Variants in MYO10 observed in about 807,000 individuals in gnomAD.
MYO10 encodes myosin X.
A neutral mutation model predicts 257.3 loss-of-function variants in MYO10; 133 were observed. That is an observed-to-expected ratio of 0.52 (90% CI 0.45 to 0.60). MYO10 has a LOEUF of 0.60. MYO10 is among the 20% of genes least tolerant of loss of function. The probability of loss-of-function intolerance (pLI) is 0.00; values close to 1 mark genes in which losing one functional copy is unlikely to be tolerated. For missense variants in MYO10, 2,399 were observed against 2,635.7 expected (o/e 0.91, Z 1.97); for synonymous variants, 1,104 against 1,028.6 (o/e 1.07, Z -1.40).
intron 19 of MYO10, among the ~76,000 whole-genome samples, chr5:16,711,806 C>A (rs1738634139): frequency 6.6e-6 from 1 of 151,800 alleles, no homozygotes; most frequent in Admixed American, 6.6e-5. Context: ...AAGGAAAATC[C>A]CAAACATCGC....
intron 2 of MYO10, among the ~76,000 whole-genome samples, chr5:16,843,592 T>A (rs1743547357): frequency 6.6e-6 from 1 of 152,176 alleles, no homozygotes; most frequent in African/African-American, 2.4e-5. Flanking sequence ...TATGTCTTAT[T>A]TGTCTCCATA....
chr5:16,714,397 A>G (rs1195701832), intron 19 of MYO10, among the ~76,000 whole-genome samples: 1 of 152,140 alleles, frequency 6.6e-6, no homozygotes. Context: ...AGATGGACGC[A>G]TGGTTCTTGT....
At chr5:16,848,151 A>G (rs1370032980) in intron 2 of MYO10, among the ~76,000 whole-genome samples, 1 of 91,678 alleles carries the variant, frequency 1.1e-5, no homozygotes, top group Non-Finnish European at 2.0e-5. Flanking sequence ...AGAACTACAC[A>G]TTTCTTTTTT....
At chr5:16,780,634 T>G in intron 7 of MYO10, 26 bp from the exon 8 acceptor site, 1 of 1,555,128 alleles carries the variant, frequency 6.4e-7, no homozygotes, top group South Asian at 1.2e-5. Context: ...AGATTTATAT[T>G]CAGAGATGTG....
Position 16,936,126 on chromosome 5 carries a change from T to C in MYO10, c.-318A>G. ...CCCCAGGCGGGGGAAGGCGGCGGGG[T>C]GCTGGCGAGCGCGGCCCCCTCCCTC... On this transcript the variant is annotated 5_prime_UTR_variant, in exon 1 of 41. Transcript: ENST00000513610. 1 of 391,600 alleles carries C rather than the reference T, an allele frequency of 2.6e-6. No homozygotes were observed. The highest frequency in any genetic ancestry group is 4.6e-6 in the Non-Finnish European group (1 of 215,796). The allele number at this position is 391,600 out of a possible 1,614,324, so 24.3% of individuals were successfully genotyped here.
rs917101939 is a variant in MYO10 at position 16,777,743 on chromosome 5, C to T, written c.930+1802G>A. On this transcript the variant is annotated intron_variant, in intron 9 of 40. Coordinates refer to ENST00000513610, the MANE Select transcript of MYO10 (RefSeq NM_012334.3). The stretch of plus-strand genomic sequence containing the variant: ...ATGAGAGTGATTGGAAAGTAAACTC[C>T]ATGTGAAGTTCATAACAGTAAGTGC... Among the ~76,000 whole-genome samples the T allele has an allele frequency of 2.6e-5, 4 of 151,244 alleles. No homozygotes were observed. In the East Asian group the frequency reaches 5.8e-4, roughly 22 times the overall value.
chr5:16,737,293 C>A (rs1739841924), intron 19 of MYO10, among the ~76,000 whole-genome samples: 1 of 152,160 alleles, frequency 6.6e-6, no homozygotes, highest in Admixed American at 6.6e-5. Flanking sequence ...ACAAATGAAG[C>A]ATCTGGCACA....
At chr5:16,684,903 C>G (rs1056926661) in intron 29 of MYO10, among the ~76,000 whole-genome samples, 1 of 152,062 alleles carries the variant, frequency 6.6e-6, no homozygotes, top group South Asian at 2.1e-4. Flanking sequence ...AAAAATTAGC[C>G]GGGTGTGGCG....
intron 1 of MYO10, among the ~76,000 whole-genome samples, chr5:16,924,213 T>TG (rs139120574): frequency 0.048 from 7,285 of 152,158 alleles, 244 homozygotes; most frequent in East Asian, 0.15. Context: ...ACAACCACGC[T>TG]GGGGGGTGAG....
chr5:16,707,749 A>G (rs987291818), intron 21 of MYO10, among the ~76,000 whole-genome samples: 4 of 152,100 alleles, frequency 2.6e-5, no homozygotes, highest in African/African-American at 7.2e-5. Flanking sequence ...ATACATTGCA[A>G]TCTCCTCCCC....
At chr5:16,832,142 G>A (rs776340135) in intron 2 of MYO10, among the ~76,000 whole-genome samples, 3 of 152,058 alleles carry the variant, frequency 2.0e-5, no homozygotes, top group African/African-American at 7.2e-5. Context: ...GTTTTGCCAC[G>A]TTGTCCAGGC....
intron 1 of MYO10, among the ~76,000 whole-genome samples, chr5:16,909,850 T>C (rs909894457): frequency 6.6e-6 from 1 of 152,144 alleles, no homozygotes; most frequent in Non-Finnish European, 1.5e-5. Context: ...TTCTCACTCT[T>C]AGTTCCTATG....
intron 19 of MYO10, among the ~76,000 whole-genome samples, chr5:16,728,417 C>A (rs1482944781): frequency 4.6e-5 from 7 of 152,018 alleles, no homozygotes; most frequent in Admixed American, 1.3e-4. Context: ...TTGGCTCCCA[C>A]CCCTCCAGCT....
At chr5:16,854,951 A>G (rs2625205) in intron 2 of MYO10, among the ~76,000 whole-genome samples, 67,215 of 151,688 alleles carry the variant, frequency 0.44, 17,154 homozygotes, top group African/African-American at 0.71. Context: ...GAGAACTGCC[A>G]GAACCTGGGA....
In MYO10 at chr5:16,663,610, G is replaced by A. The variant is rs154261; in HGVS notation, c.*3082C>T. ...TCATCCTAGCACTTTGGGAGGCTGA[G>A]GTGGAGGACTGCTTGAGCCCAGGAG... On this transcript the variant is annotated 3_prime_UTR_variant, in exon 41 of 41. Transcript: ENST00000513610. 37,330 of 151,740 alleles carry A rather than the reference G, an allele frequency of 0.25. 4,689 individuals carry two copies. The highest frequency in any genetic ancestry group is 0.33 in the Admixed American group (4,986 of 15,240). 9.4% of individuals were successfully genotyped at this position (151,740 alleles called of 1,614,324 possible). A position where few individuals can be genotyped will look rare whatever the true frequency, so the allele number is the denominator to read the frequency against.
chr5:16,895,104 T>G (rs530257848), intron 1 of MYO10, among the ~76,000 whole-genome samples: 137 of 152,350 alleles, frequency 9.0e-4, no homozygotes, highest in Middle Eastern at 6.8e-3. Context: ...GTGGGCAAAA[T>G]TACTGTTTTA....
chr5:16,809,474 C>T (rs1299552562), intron 3 of MYO10, among the ~76,000 whole-genome samples: 1 of 152,228 alleles, frequency 6.6e-6, no homozygotes, highest in Non-Finnish European at 1.5e-5. Context: ...CAGGGTATGC[C>T]CAGCCTTCAC....
intron 1 of MYO10, among the ~76,000 whole-genome samples, chr5:16,919,114 C>T (rs1416763286): frequency 2.0e-5 from 3 of 152,126 alleles, no homozygotes; most frequent in Non-Finnish European, 4.4e-5. Flanking sequence ...TGATAGCTCA[C>T]ACCTGTAATC....
intron 2 of MYO10, among the ~76,000 whole-genome samples, chr5:16,821,567 T>C (rs757587601): frequency 6.9e-6 from 1 of 145,400 alleles, no homozygotes; most frequent in Non-Finnish European, 1.5e-5. Flanking sequence ...CCCAGGTTTA[T>C]GCCATTCTCC....
Sources: gnomAD v4.1 joint callset for allele counts (sites outside exome capture counted in the v4.1 genomes callset) on GRCh38, gnomAD v4.1.1 for gene constraint, MANE v1.5 for transcripts, NCBI Gene and HGNC (gene_info 2026-07-23, HGNC 2026-07-21) for gene names.